ZSWIM4: variants seen among roughly 807,000 people sequenced by gnomAD.
The protein encoded by ZSWIM4 is zinc finger SWIM-type containing 4.
A neutral mutation model predicts 102.5 loss-of-function variants in ZSWIM4; 62 were observed. That is an observed-to-expected ratio of 0.60 (90% CI 0.49 to 0.75). The LOEUF (loss-of-function observed/expected upper bound fraction) is 0.75, where lower values mean the gene tolerates loss of function less well. Ranked by LOEUF, ZSWIM4 falls within the 30% of genes least tolerant of loss-of-function variation. The pLI is 0.00. For synonymous variants in ZSWIM4, 652 were observed against 674.5 expected, an observed-to-expected ratio of 0.97 and a Z score of 0.52; for missense variants, 1,280 against 1,529.6, an observed-to-expected ratio of 0.84 and a Z score of 2.72.
At chr19:13,798,049 A>G (rs1048275171) in intron 1 of ZSWIM4, among the ~76,000 whole-genome samples, 1 of 152,252 alleles carries the variant, frequency 6.6e-6, no homozygotes, top group African/African-American at 2.4e-5. Flanking sequence ...GGGTTGGACA[A>G]GCTCACACTA....
Position 13,809,166 on chromosome 19 carries a change from C to A in ZSWIM4, c.958C>A (p.Arg320=), listed in dbSNP as rs1175528817. 6.2e-7 allele frequency: 1 copy of A among 1,613,138 alleles called. No homozygotes were observed. The highest frequency in any genetic ancestry group is 8.5e-7 in the Non-Finnish European group (1 of 1,179,632). ...GCAGGACACGCGCCTGGCCCTGTGGCGGCAGCAGGGCGCGGGCATGACGGA... is the reference window on the plus strand; with the variant it reads ...GCAGGACACGCGCCTGGCCCTGTGGAGGCAGCAGGGCGCGGGCATGACGGA... ...FLQDTRLALW[R]QQGAGMTDKC... The change falls in exon 5 of 14, where the codon CGG becomes AGG. Residue 320 remains arginine, a synonymous_variant. Transcript: ENST00000590508. The surrounding 1 kb of genome is among the most constrained non-coding windows in gnomAD (Gnocchi z 4.2).
At chr19:13,796,241 G>T (rs1204966898) in intron 1 of ZSWIM4, among the ~76,000 whole-genome samples, 2 of 132,144 alleles carry the variant, frequency 1.5e-5, no homozygotes, top group African/African-American at 6.0e-5. Context: ...TTTTCCTACC[G>T]CATCTTTATT....
intron 12 of ZSWIM4, among the ~76,000 whole-genome samples, chr19:13,826,497 G>C (rs577290570): frequency 6.6e-6 from 1 of 152,186 alleles, no homozygotes; most frequent in Non-Finnish European, 1.5e-5. Context: ...CCCGGGTGTG[G>C]TGGCTCACAT....
intron 2 of ZSWIM4, among the ~76,000 whole-genome samples, chr19:13,801,905 G>A (rs1274255065): frequency 6.6e-6 from 1 of 150,530 alleles, no homozygotes; most frequent in African/African-American, 2.4e-5. Context: ...TCCTGACCTC[G>A]TGATCCACCC....
At chr19:13,813,235 T>C in intron 6 of ZSWIM4, 71 bp downstream of exon 6, 2 of 1,289,398 alleles carry the variant, frequency 1.6e-6, no homozygotes, top group East Asian at 2.5e-5. Context: ...CTTACCATCA[T>C]GGTCCTCTTC....
chr19:13,826,779 A>T (rs1975623171), intron 12 of ZSWIM4, among the ~76,000 whole-genome samples: 1 of 152,086 alleles, frequency 6.6e-6, no homozygotes, highest in African/African-American at 2.4e-5. Flanking sequence ...AAGAAAAAAA[A>T]AAGTCCTGTA....
chr19:13,819,298 C>T (rs1975393677), intron 9 of ZSWIM4, 59 bp from the exon 10 acceptor site: 2 of 1,601,456 alleles, frequency 1.2e-6, no homozygotes, highest in Non-Finnish European at 1.7e-6. Flanking sequence ...TCTAGTGAGA[C>T]CTGGGGAAGG....
At chr19:13,829,411 C>T (rs959116043) in intron 13 of ZSWIM4, among the ~76,000 whole-genome samples, 1 of 152,038 alleles carries the variant, frequency 6.6e-6, no homozygotes, top group African/African-American at 2.4e-5. Flanking sequence ...GCCAACATGG[C>T]AAAACCCCAT....
rs1975339195 is a variant in ZSWIM4, at chr19:13,817,823, G to A, written c.1771G>A (p.Gly591Arg). ...GCTGGCGCTGGAGGTGGCACTGCTG[G>A]GGCTGGGGCAGCAGCGGGCCCTGCC... Reference protein sequence around the residue: ...LVLALEVALLGLGQQRALPEG... With the variant: ...LVLALEVALLRLGQQRALPEG... Residue 591 changes from glycine (G) to arginine (R), a missense_variant, in exon 9 of 14, where the codon GGG becomes AGG. Physicochemically the swap from Gly to Arg is moderately radical, Grantham distance 125. Transcript: ENST00000590508. 1 of 1,577,698 alleles carries A rather than the reference G, an allele frequency of 6.3e-7. No homozygotes were observed. The highest frequency in any genetic ancestry group is 8.6e-7 in the Non-Finnish European group (1 of 1,162,686).
intron 10 of ZSWIM4, among the ~76,000 whole-genome samples, chr19:13,820,228 T>C (rs898239862): frequency 5.9e-5 from 9 of 151,808 alleles, no homozygotes; most frequent in Admixed American, 3.9e-4. Context: ...AAATGTGTGT[T>C]TTTTGTTTTG....
At chr19:13,803,904 C>T (rs892232430) in intron 2 of ZSWIM4, among the ~76,000 whole-genome samples, 2 of 150,524 alleles carry the variant, frequency 1.3e-5, no homozygotes, top group East Asian at 4.1e-4. Flanking sequence ...TTCTGTTACC[C>T]AGGCTGGAGT....
chr19:13,819,536 AAG>A, intron 10 of ZSWIM4, 44 bp downstream of exon 10: 1 of 1,547,354 alleles, frequency 6.5e-7, no homozygotes, highest in Non-Finnish European at 8.7e-7. Context: ...AGCTGGGGGG[AAG>A]AGGGGCGGGC....
Position 13,825,435 on chromosome 19 carries a change from C to T in ZSWIM4, c.2216-115C>T, listed in dbSNP as rs756239342. The T allele has an allele frequency of 6.5e-5, 84 of 1,284,896 alleles. No homozygotes were observed. Among genetic ancestry groups the T allele is most frequent in the Admixed American group, 2.3e-4 (12 of 52,158 alleles). 79.6% of individuals were successfully genotyped at this position (1,284,896 alleles called of 1,614,324 possible). A position where few individuals can be genotyped will look rare whatever the true frequency, so the allele number is the denominator to read the frequency against. On this transcript the variant is annotated intron_variant, in intron 11 of 13. Coordinates refer to ENST00000590508, the MANE Select transcript of ZSWIM4 (RefSeq NM_001367834.3). The surrounding 1 kb of genome is among the most constrained non-coding windows in gnomAD (Gnocchi z 4.6). ...GAACCATGGCCCAGTACACATCCCT[C>T]CACACTCACACATGTGCCCCTGGGT...
At chr19:13,804,538 T>G (rs1325836690) in intron 2 of ZSWIM4, among the ~76,000 whole-genome samples, 2 of 152,004 alleles carry the variant, frequency 1.3e-5, no homozygotes, top group East Asian at 3.9e-4. Context: ...TCCCAGTTAC[T>G]TGGGAGGCTG....
At position 13,799,829 on chromosome 19, in the gene ZSWIM4, C is replaced by G. The variant is rs1171102347; in HGVS notation, c.263C>G (p.Pro88Arg). The change falls in exon 2 of 14, where the codon CCG (proline) becomes CGG (arginine). Residue 88 changes from proline to arginine, a missense_variant. Transcript: ENST00000590508. ...EICMYSSLGY[P>R]PPEGEHDARV... ...TGTATGTACTCGTCGCTGGGTTACC[C>G]GCCCCCAGAGGGCGAGCACGATGCC... The G allele has an allele frequency of 6.2e-7, 1 of 1,613,948 alleles. No homozygotes were observed. Among genetic ancestry groups the G allele is most frequent in the East Asian group, 2.2e-5 (1 of 44,884 alleles).
At chr19:13,810,452 C>T (rs1168167271) in intron 5 of ZSWIM4, among the ~76,000 whole-genome samples, 2 of 151,640 alleles carry the variant, frequency 1.3e-5, no homozygotes, top group Non-Finnish European at 2.9e-5. Flanking sequence ...GCCACCATGC[C>T]TAGCTAATTA....
intron 2 of ZSWIM4, among the ~76,000 whole-genome samples, 190 bp from the exon 3 acceptor site, chr19:13,804,602 G>A (rs1470334406): frequency 6.6e-6 from 1 of 151,750 alleles, no homozygotes; most frequent in African/African-American, 2.4e-5. Flanking sequence ...AGCCCAGGTC[G>A]CAGCACTACA....
chr19:13,828,840 C>T, intron 13 of ZSWIM4, 114 bp downstream of exon 13: 2 of 988,022 alleles, frequency 2.0e-6, no homozygotes, highest in East Asian at 2.6e-5. Context: ...GTGGCTCACA[C>T]CTGTAATCCC....
intron 2 of ZSWIM4, among the ~76,000 whole-genome samples, chr19:13,801,780 C>A (rs1016066388): frequency 6.8e-6 from 1 of 148,140 alleles, no homozygotes; most frequent in African/African-American, 2.5e-5. Context: ...CAAGGAATAC[C>A]CCTGCCTCGG....
Sources: gnomAD v4.1 joint callset for allele counts (sites outside exome capture counted in the v4.1 genomes callset) on GRCh38, gnomAD v4.1.1 for gene constraint, Gnocchi (gnomAD v3.1) non-coding constraint, MANE v1.5 for transcripts, NCBI Gene and HGNC (gene_info 2026-07-23, HGNC 2026-07-21) for gene names.